TTLL5: variants seen among roughly 807,000 people sequenced by gnomAD.
TTLL5 encodes the protein tubulin tyrosine ligase like 5.
A neutral mutation model predicts 168.4 loss-of-function variants in TTLL5; 132 were observed. The ratio of observed to expected loss-of-function variants is 0.78; its 90% CI spans 0.68 to 0.91. TTLL5 has a LOEUF of 0.91. Among genes scored for constraint, TTLL5 ranks in the 40% least tolerant of loss-of-function variants. TTLL5 has a pLI of 0.00. For missense variants in TTLL5, 1,545 were observed against 1,581.5 expected (o/e 0.98, Z 0.39); for synonymous variants, 546 against 558.6 (o/e 0.98, Z 0.32).
chr14:75,896,391 G>T (rs148613050), intron 30 of TTLL5, among the ~76,000 whole-genome samples: 2 of 152,092 alleles, frequency 1.3e-5, no homozygotes, highest in Admixed American at 6.6e-5. Context: ...ATCAGGTTTG[G>T]GGGTGTTTGT....
intron 9 of TTLL5, among the ~76,000 whole-genome samples, chr14:75,715,560 T>C (rs1290258454): frequency 1.4e-4 from 21 of 152,138 alleles, no homozygotes; most frequent in Non-Finnish European, 2.8e-4. Flanking sequence ...GGAGGAAAGA[T>C]GAACATGCAC....
intron 3 of TTLL5, among the ~76,000 whole-genome samples, chr14:75,680,135 T>C (rs965196245): frequency 1.3e-5 from 2 of 152,198 alleles, no homozygotes; most frequent in Non-Finnish European, 2.9e-5. Context: ...TTAGCTAACT[T>C]TTTCAGTTAG....
intron 18 of TTLL5, among the ~76,000 whole-genome samples, chr14:75,757,063 C>T (rs552476699): frequency 9.2e-5 from 14 of 151,894 alleles, no homozygotes; most frequent in South Asian, 4.2e-4. Flanking sequence ...CTGCAACCTC[C>T]GCCTCCCAGG....
At chr14:75,763,409 A>T (rs940924674) in intron 18 of TTLL5, among the ~76,000 whole-genome samples, 2 of 152,068 alleles carry the variant, frequency 1.3e-5, no homozygotes, top group African/African-American at 4.8e-5. Context: ...TCTGGAGAGA[A>T]GGCCTCCAAA....
At chr14:75,664,763 C>T (rs192860692) in intron 2 of TTLL5, among the ~76,000 whole-genome samples, 16 of 152,290 alleles carry the variant, frequency 1.1e-4, no homozygotes, top group Non-Finnish European at 1.6e-4. Flanking sequence ...TTTTTGCTTT[C>T]GGTGTGCTGC....
intron 28 of TTLL5, among the ~76,000 whole-genome samples, chr14:75,823,035 T>G (rs1417731815): frequency 6.6e-6 from 1 of 152,172 alleles, no homozygotes; most frequent in African/African-American, 2.4e-5. Flanking sequence ...GAGAAAGTAG[T>G]TAGAGCCAAA....
intron 28 of TTLL5, among the ~76,000 whole-genome samples, chr14:75,854,015 T>C (rs1897007772): frequency 6.6e-6 from 1 of 151,608 alleles, no homozygotes; most frequent in South Asian, 2.1e-4. Flanking sequence ...TGCCCTCCAG[T>C]CAGGGTGGCA....
At chr14:75,914,033 A>AAATATATATATATATATATATATATAT in intron 31 of TTLL5, among the ~76,000 whole-genome samples, 2 of 71,118 alleles carry the variant, frequency 2.8e-5, no homozygotes, top group African/African-American at 1.6e-4. Flanking sequence ...AAAAAAAAAA[A>AAATATATATATATATATATATATATAT]ATATATATAT....
intron 31 of TTLL5, among the ~76,000 whole-genome samples, chr14:75,916,341 A>C (rs566316994): frequency 6.4e-4 from 98 of 152,128 alleles, no homozygotes; most frequent in African/African-American, 2.2e-3. Flanking sequence ...TTCCTCAAAC[A>C]ATTAAACATA....
At chr14:75,742,328 A>G (rs1308828561) in intron 15 of TTLL5, among the ~76,000 whole-genome samples, 4 of 152,092 alleles carry the variant, frequency 2.6e-5, no homozygotes, top group African/African-American at 7.2e-5. Context: ...GAGGCCCTTA[A>G]ATAGTGTCAT....
chr14:75,789,904 T>G (rs1417314990), intron 26 of TTLL5, among the ~76,000 whole-genome samples: 1 of 152,122 alleles, frequency 6.6e-6, no homozygotes, highest in Non-Finnish European at 1.5e-5. Flanking sequence ...CCAAGAATAG[T>G]GAGAACCTAC....
intron 3 of TTLL5, among the ~76,000 whole-genome samples, chr14:75,677,555 C>A (rs1238991985): frequency 6.6e-6 from 1 of 151,684 alleles, no homozygotes; most frequent in East Asian, 1.9e-4. Flanking sequence ...CAGCACCATG[C>A]CTGGCTAAAT....
chr14:75,808,464 G>A (rs1202714610), intron 27 of TTLL5, among the ~76,000 whole-genome samples: 2 of 152,118 alleles, frequency 1.3e-5, no homozygotes, highest in Admixed American at 6.5e-5. Context: ...ATAAATGCTC[G>A]TGAAGTGCTT....
intron 28 of TTLL5, among the ~76,000 whole-genome samples, chr14:75,862,844 G>A (rs2030140714): frequency 6.6e-6 from 1 of 152,180 alleles, no homozygotes; most frequent in Admixed American, 6.5e-5. Context: ...TTCTCAGGAG[G>A]CTGAGGTGGG....
chr14:75,867,119 G>C (rs1169286935), intron 29 of TTLL5, among the ~76,000 whole-genome samples: 1 of 152,186 alleles, frequency 6.6e-6, no homozygotes, highest in Non-Finnish European at 1.5e-5. Flanking sequence ...TAGCATCTCT[G>C]TTGCAACTAC....
intron 20 of TTLL5, among the ~76,000 whole-genome samples, chr14:75,771,256 G>A (rs1005955496): frequency 4.6e-5 from 7 of 152,064 alleles, no homozygotes; most frequent in African/African-American, 9.7e-5. Context: ...GTGAAACCCC[G>A]TCTCTACTAA....
chr14:75,852,096 C>T (rs944533042), intron 28 of TTLL5, among the ~76,000 whole-genome samples: 3 of 152,196 alleles, frequency 2.0e-5, no homozygotes, highest in African/African-American at 7.2e-5. Context: ...AACCAAGGCA[C>T]AGAGAGGTTA....
chr14:75,876,946 A>G (rs2140005085), intron 29 of TTLL5, among the ~76,000 whole-genome samples: 1 of 152,320 alleles, frequency 6.6e-6, no homozygotes, highest in South Asian at 2.1e-4. Context: ...TTACATGCTC[A>G]AGAAAATGTA....
At chr14:75,734,916 C>A (rs1288607815) in intron 14 of TTLL5, among the ~76,000 whole-genome samples, 2 of 152,204 alleles carry the variant, frequency 1.3e-5, no homozygotes, top group Admixed American at 6.5e-5. Context: ...CTCTTAAGTT[C>A]TTCAAAAATC....
Sources: gnomAD v4.1 joint callset for allele counts (sites outside exome capture counted in the v4.1 genomes callset) on GRCh38, gnomAD v4.1.1 for gene constraint, MANE v1.5 for transcripts, NCBI Gene and HGNC (gene_info 2026-07-23, HGNC 2026-07-21) for gene names.